Variants in ARHGAP10 observed in about 807,000 individuals in gnomAD.
ARHGAP10 encodes the protein rho GTPase-activating protein 10.
In ARHGAP10, 87 loss-of-function variants were observed where a neutral mutation model predicts 108.6. The ratio of observed to expected loss-of-function variants is 0.80; its 90% CI spans 0.67 to 0.96. The LOEUF (loss-of-function observed/expected upper bound fraction) is 0.96. Among genes scored for constraint, ARHGAP10 ranks in the 40% least tolerant of loss-of-function variants. The pLI is 0.00. For synonymous variants in ARHGAP10, 347 were observed against 341.1 expected (o/e 1.02, Z -0.19); for missense variants, 939 against 954.5 (o/e 0.98, Z 0.21).
At chr4:147,837,836 A>G (rs1733240860) in intron 3 of ARHGAP10, among the ~76,000 whole-genome samples, 1 of 151,842 alleles carries the variant, frequency 6.6e-6, no homozygotes. Context: ...AGGGGTTTCA[A>G]GTGCTGGGCA....
In ARHGAP10 at chr4:147,877,819, C is replaced by CTTTTTTTTTTTTTTTTTTTT. The variant is rs549355620; in HGVS notation, c.833-1398_833-1397insTTTTTTTTTTTTTTTTTTTT. Among the ~76,000 whole-genome samples the CTTTTTTTTTTTTTTTTTTTT allele has an allele frequency of 1.7e-4, 22 of 131,458 alleles. 1 individual carries two copies. The highest frequency in any genetic ancestry group is 6.3e-4 in the African/African-American group (20 of 31,802). 86.2% of individuals were successfully genotyped at this position (131,458 alleles called of 152,430 possible). ...AGTCTTAGATTTCTTATTCTTCATACTTTTTTTTTTTTTTTGCTGAGATTA... is the reference window on the plus strand; with the variant it reads ...AGTCTTAGATTTCTTATTCTTCATACTTTTTTTTTTTTTTTTTTTTTTTTTTTTTTTTTTTGCTGAGATTA... On this transcript the variant is annotated intron_variant, in intron 8 of 22. Transcript: ENST00000336498.
rs377270018 is a variant in ARHGAP10 at position 147,844,469 on chromosome 4, C to T, written c.313-2682C>T. Among the ~76,000 whole-genome samples, 5 of 152,176 alleles carry T rather than the reference C, an allele frequency of 3.3e-5. No homozygotes were observed. The East Asian group carries it at 5.8e-4, about 18-fold the overall frequency. ...ATTTTTTTGTACCCATTAACCATCC[C>T]TACCTCCCCCCTACTATACTTCCCA... On this transcript the variant is annotated intron_variant, in intron 3 of 22. Transcript: ENST00000336498.
intron 1 of ARHGAP10, among the ~76,000 whole-genome samples, chr4:147,818,307 T>A (rs902168474): frequency 7.9e-5 from 12 of 152,058 alleles, no homozygotes; most frequent in African/African-American, 2.9e-4. Flanking sequence ...GGCTCACGCT[T>A]GTAATCCCAT....
At chr4:147,924,811 T>A (rs909469282) in intron 13 of ARHGAP10, among the ~76,000 whole-genome samples, 3 of 152,138 alleles carry the variant, frequency 2.0e-5, no homozygotes, top group African/African-American at 7.2e-5. Context: ...CTTCATGGGG[T>A]TGTTGTGAGA....
At chr4:147,778,124 C>T (rs373613522) in intron 1 of ARHGAP10, among the ~76,000 whole-genome samples, 14 of 152,180 alleles carry the variant, frequency 9.2e-5, no homozygotes, top group Middle Eastern at 6.8e-3. Context: ...CTAGAAGTGT[C>T]GGTTTAGCGC....
At chr4:147,762,180 G>A in intron 1 of ARHGAP10, among the ~76,000 whole-genome samples, 1 of 151,984 alleles carries the variant, frequency 6.6e-6, no homozygotes, top group East Asian at 1.9e-4. Flanking sequence ...GCTAACTTTT[G>A]TATTTTTAGT....
intron 1 of ARHGAP10, among the ~76,000 whole-genome samples, chr4:147,761,896 G>GC (rs11464640): frequency 0.044 from 6,697 of 152,280 alleles, 500 homozygotes; most frequent in African/African-American, 0.15. Context: ...ACTTTATGTA[G>GC]CAGTAACAGC....
chr4:147,774,505 C>G (rs1730207136), intron 1 of ARHGAP10, among the ~76,000 whole-genome samples: 1 of 152,162 alleles, frequency 6.6e-6, no homozygotes, highest in South Asian at 2.1e-4. Context: ...ATTTTGAAGT[C>G]AAAGTTTTAA....
At chr4:147,777,240 C>T (rs963912948) in intron 1 of ARHGAP10, among the ~76,000 whole-genome samples, 8 of 151,112 alleles carry the variant, frequency 5.3e-5, no homozygotes, top group Admixed American at 1.3e-4. Flanking sequence ...TGGATAGAAT[C>T]GTCTGGGTAG....
chr4:147,887,861 C>CAA (rs112379304), intron 10 of ARHGAP10, among the ~76,000 whole-genome samples: 3 of 140,736 alleles, frequency 2.1e-5, no homozygotes, highest in African/African-American at 5.2e-5. Flanking sequence ...GACTCCATCT[C>CAA]AAAAAAAAAA....
chr4:147,852,082 G>A (rs898357858), intron 4 of ARHGAP10, among the ~76,000 whole-genome samples: 26 of 152,134 alleles, frequency 1.7e-4, no homozygotes, highest in South Asian at 6.2e-4. Context: ...TCTAGTTTGG[G>A]ACCTGGTATC....
intron 10 of ARHGAP10, among the ~76,000 whole-genome samples, chr4:147,891,541 G>C (rs1490126667): frequency 2.6e-5 from 4 of 152,132 alleles, no homozygotes; most frequent in Non-Finnish European, 5.9e-5. Flanking sequence ...TTTTGGTGAT[G>C]GTTATGCAAT....
chr4:147,806,307 C>T (rs1418164350), intron 1 of ARHGAP10, among the ~76,000 whole-genome samples: 5 of 152,002 alleles, frequency 3.3e-5, no homozygotes, highest in African/African-American at 9.7e-5. Context: ...ATGTTAGTCT[C>T]ATTTAGACTT....
intron 1 of ARHGAP10, among the ~76,000 whole-genome samples, chr4:147,755,214 C>A (rs2126697526): frequency 6.6e-6 from 1 of 151,980 alleles, no homozygotes; most frequent in African/African-American, 2.4e-5. Context: ...ATTTTAAGAA[C>A]AAAAATATCA....
intron 3 of ARHGAP10, among the ~76,000 whole-genome samples, chr4:147,835,078 A>G (rs1355221955): frequency 1.3e-5 from 2 of 152,164 alleles, no homozygotes; most frequent in African/African-American, 4.8e-5. Context: ...TAAATTATCT[A>G]AATTTATAGG....
intron 1 of ARHGAP10, among the ~76,000 whole-genome samples, chr4:147,759,351 A>G (rs1191364049): frequency 2.6e-5 from 4 of 152,348 alleles, no homozygotes; most frequent in Non-Finnish European, 5.9e-5. Context: ...ATTGTTGTCT[A>G]TGAATACAAA....
rs543482295 is a variant in ARHGAP10, at chr4:147,897,915, G to A, written c.1035-8723G>A. ...AGTCTCGCTCTGTTGCCCAGGCAGC[G>A]TGTTCTCAGCTCACTGCTAGCTCTG... is the stretch of plus-strand genomic sequence containing the variant. On this transcript the variant is annotated intron_variant, in intron 10 of 22. Coordinates refer to ENST00000336498, the MANE Select transcript of ARHGAP10 (RefSeq NM_024605.4). 9.2e-5 allele frequency among the ~76,000 whole-genome samples: 14 copies of A among 152,144 alleles called. No homozygotes were observed. The South Asian group carries it at 2.3e-3, about 25-fold the overall frequency.
chr4:147,866,892 TAATTA>T lies in ARHGAP10; in HGVS notation c.702+80_702+84del, dbSNP rs1369914574. 4.8e-6 allele frequency: 6 copies of T among 1,245,908 alleles called. No individual in the cohort carries two copies. In the East Asian group the frequency reaches 1.2e-4, roughly 25 times the overall value. 77.2% of individuals were successfully genotyped at this position (1,245,908 alleles called of 1,614,324 possible). ...CATTTGTGTGTTGTATGAAAAGCCT[TAATTA>T]AATGAAGACAATGCTGATCTGTTTG... On this transcript the variant is annotated intron_variant, in intron 7 of 22. Coordinates refer to ENST00000336498, the MANE Select transcript of ARHGAP10 (RefSeq NM_024605.4).
intron 1 of ARHGAP10, among the ~76,000 whole-genome samples, chr4:147,763,746 CTTTTTTTTTTTTTTTTT>C (rs35774782): frequency 0.012 from 1,119 of 93,254 alleles, 32 homozygotes; most frequent in African/African-American, 0.039. Context: ...ATGGTGATTC[CTTTTTTTTTTTTTTTTT>C]TTTTTTTTAA....
Sources: gnomAD v4.1 joint callset for allele counts (sites outside exome capture counted in the v4.1 genomes callset) on GRCh38, gnomAD v4.1.1 for gene constraint, MANE v1.5 for transcripts, NCBI Gene and HGNC (gene_info 2026-07-23, HGNC 2026-07-21) for gene names.